Variants in TENM4 observed in about 807,000 individuals in gnomAD.
TENM4 encodes the protein teneurin transmembrane protein 4, also known as teneurin-4.
A neutral mutation model predicts 243.3 loss-of-function variants in TENM4; 82 were observed. The observed-to-expected ratio is 0.34, with a 90% CI of 0.28 to 0.40. The LOEUF is 0.40. Among genes scored for constraint, TENM4 ranks in the 10% least tolerant of loss-of-function variants. TENM4 has a pLI of 1.00. For synonymous variants in TENM4, 1,412 were observed against 1,456.3 expected (o/e 0.97, Z 0.69); for missense variants, 3,138 against 3,673.3 (o/e 0.85, Z 3.77).
chr11:78,749,987 T>C (rs1359070751), intron 19 of TENM4, among the ~76,000 whole-genome samples: 1 of 152,194 alleles, frequency 6.6e-6, no homozygotes, highest in Non-Finnish European at 1.5e-5. Context: ...CATCTTGATT[T>C]CAAATGTCAG....
chr11:79,348,513 C>T (rs1483901896), intron 1 of TENM4, among the ~76,000 whole-genome samples: 1 of 152,148 alleles, frequency 6.6e-6, no homozygotes, highest in Admixed American at 6.5e-5. Context: ...TCACAAAATT[C>T]ATTGTTGAAT....
intron 8 of TENM4, 118 bp downstream of exon 8, chr11:78,891,120 G>C: frequency 1.2e-6 from 1 of 855,242 alleles, no homozygotes; most frequent in Non-Finnish European, 1.9e-6. Flanking sequence ...TTGGTGATGA[G>C]CATGCCACAT....
intron 1 of TENM4, among the ~76,000 whole-genome samples, chr11:79,321,993 G>A (rs1251257331): frequency 6.6e-6 from 1 of 152,180 alleles, no homozygotes; most frequent in Non-Finnish European, 1.5e-5. Flanking sequence ...GGAAATCAAT[G>A]TGAGATCAGT....
intron 6 of TENM4, among the ~76,000 whole-genome samples, chr11:78,922,511 A>G (rs1273937290): frequency 6.6e-6 from 1 of 152,222 alleles, no homozygotes; most frequent in Non-Finnish European, 1.5e-5. Context: ...TGAGGACTAC[A>G]TTCCTACATG....
chr11:78,927,606 G>C (rs1223677319), intron 6 of TENM4, among the ~76,000 whole-genome samples: 3 of 152,200 alleles, frequency 2.0e-5, no homozygotes, highest in Non-Finnish European at 2.9e-5. Flanking sequence ...CTCAGCGTCA[G>C]GCTGGCTCCA....
At chr11:78,902,206 C>T (rs1855943301) in intron 7 of TENM4, among the ~76,000 whole-genome samples, 1 of 152,174 alleles carries the variant, frequency 6.6e-6, no homozygotes, top group Admixed American at 6.5e-5. Context: ...GCTATGCTCC[C>T]AAAGTCAACA....
intron 4 of TENM4, among the ~76,000 whole-genome samples, chr11:79,085,633 A>C (rs1264257221): frequency 6.6e-6 from 1 of 152,158 alleles, no homozygotes; most frequent in African/African-American, 2.4e-5. Context: ...ATAGGTGTAA[A>C]TGTTGCCTTG....
intron 1 of TENM4, among the ~76,000 whole-genome samples, chr11:79,318,113 G>A (rs1856831074): frequency 6.6e-6 from 1 of 152,266 alleles, no homozygotes; most frequent in East Asian, 1.9e-4. Flanking sequence ...TGCTTAGAGG[G>A]AAATAGTGCG....
At chr11:78,795,647 T>C (rs1471881691) in intron 15 of TENM4, among the ~76,000 whole-genome samples, 1 of 152,138 alleles carries the variant, frequency 6.6e-6, no homozygotes, top group African/African-American at 2.4e-5. Context: ...TCTGCCTATG[T>C]GTGTAAATGT....
chr11:79,019,903 G>A (rs1858882623), intron 6 of TENM4, among the ~76,000 whole-genome samples: 1 of 152,146 alleles, frequency 6.6e-6, no homozygotes. Flanking sequence ...TGGGGGTGGG[G>A]AATAAAGGTG....
intron 2 of TENM4, among the ~76,000 whole-genome samples, chr11:79,245,082 C>CCAA (rs1372081201): frequency 7.9e-5 from 12 of 152,312 alleles, no homozygotes; most frequent in Admixed American, 7.2e-4. Flanking sequence ...TCTGTACATG[C>CCAA]CAACTGTTTA....
chr11:78,730,599 A>G (rs911616005), intron 21 of TENM4, among the ~76,000 whole-genome samples: 1 of 152,238 alleles, frequency 6.6e-6, no homozygotes, highest in Admixed American at 6.5e-5. Context: ...TGGAAAGTTT[A>G]AATGAATGCC....
chr11:78,795,087 T>A lies in TENM4; in HGVS notation c.2180-8004A>T, dbSNP rs79221324. 3.3e-3 allele frequency among the ~76,000 whole-genome samples: 507 copies of A among 152,260 alleles called. 1 individual carries two copies. Among genetic ancestry groups the A allele is most frequent in the African/African-American group, 0.011 (476 of 41,552 alleles). ...CATAGTCTGGGCTCCTTTACCGTGA[T>A]CTTCATGTATTCAAATCTAAATGTG... On this transcript the variant is annotated intron_variant, in intron 15 of 33. Transcript: ENST00000278550.
chr11:78,863,223 A>G (rs1858869226), intron 9 of TENM4, 91 bp from the exon 10 acceptor site: 1 of 1,354,370 alleles, frequency 7.4e-7, no homozygotes, highest in African/African-American at 1.5e-5. Context: ...AGGGTGGGGG[A>G]ACACAGGCAT....
At chr11:78,830,194 C>T (rs1161279865) in intron 12 of TENM4, among the ~76,000 whole-genome samples, 1 of 152,166 alleles carries the variant, frequency 6.6e-6, no homozygotes, top group African/African-American at 2.4e-5. Flanking sequence ...ATTCCTAGAA[C>T]CCCCCGGGGC....
At chr11:78,966,654 C>G (rs1018473988) in intron 6 of TENM4, among the ~76,000 whole-genome samples, 1 of 152,208 alleles carries the variant, frequency 6.6e-6, no homozygotes, top group Non-Finnish European at 1.5e-5. Flanking sequence ...AAACGCTTCA[C>G]TGAGCCTTGG....
At chr11:79,439,827 C>T (rs1404435192) in intron 1 of TENM4, among the ~76,000 whole-genome samples, 3 of 152,174 alleles carry the variant, frequency 2.0e-5, no homozygotes, top group Non-Finnish European at 4.4e-5. Context: ...TGAGAGTAGT[C>T]ATACAGTCAC....
At chr11:79,406,112 A>C (rs1482170856) in intron 1 of TENM4, among the ~76,000 whole-genome samples, 4 of 152,122 alleles carry the variant, frequency 2.6e-5, no homozygotes, top group Non-Finnish European at 5.9e-5. Context: ...AATCTTGACC[A>C]AAGACAAGGT....
chr11:79,386,731 A>T (rs1858119415), intron 1 of TENM4, among the ~76,000 whole-genome samples: 1 of 151,218 alleles, frequency 6.6e-6, no homozygotes, highest in African/African-American at 2.4e-5. Context: ...AGCTAAAATG[A>T]ACACGGCCGT....
Sources: allele counts gnomAD v4.1 joint callset (sites outside exome capture counted in the v4.1 genomes callset), GRCh38; gene constraint gnomAD v4.1.1; transcripts MANE v1.5; gene names NCBI Gene and HGNC (gene_info 2026-07-23, HGNC 2026-07-21).